EMILIN2: variants seen among roughly 807,000 people sequenced by gnomAD.
EMILIN2 encodes elastin microfibril interfacer 2.
Under a neutral mutation model 87.1 loss-of-function variants are expected in EMILIN2, and 71 were observed. The observed-to-expected ratio is 0.82, with a 90% CI of 0.67 to 0.99. EMILIN2 has a LOEUF of 0.99. Among genes scored for constraint, EMILIN2 ranks in the 50% least tolerant of loss-of-function variants. The pLI, the probability that EMILIN2 is intolerant of heterozygous loss-of-function variation, is 0.00. For missense variants in EMILIN2, 1,407 were observed against 1,371.8 expected (o/e 1.03, Z -0.40); for synonymous variants, 581 against 563.4 (o/e 1.03, Z -0.44).
chr18:2,846,853 C>G (rs1174188787), upstream of EMILIN2: 7 of 985,160 alleles, frequency 7.1e-6, no homozygotes, highest in Admixed American at 6.1e-5. This position sits in a 1 kb window ranked among gnomAD's most constrained non-coding sequence, Gnocchi z 5.3. Flanking sequence ...CCACCCCGAG[C>G]CCCCTGCCGA....
intron 3 of EMILIN2, among the ~76,000 whole-genome samples, chr18:2,889,805 G>C (rs1001469759): frequency 6.7e-6 from 1 of 149,708 alleles, no homozygotes; most frequent in Non-Finnish European, 1.5e-5. Flanking sequence ...TGAGACTACA[G>C]GCACACACCA....
At chr18:2,870,588 C>G (rs2076714512) in intron 2 of EMILIN2, among the ~76,000 whole-genome samples, 1 of 152,194 alleles carries the variant, frequency 6.6e-6, no homozygotes, top group African/African-American at 2.4e-5. Context: ...ACACAACGTG[C>G]TGGGGTGTTC....
chr18:2,896,431 C>A (rs1046435182), intron 4 of EMILIN2, among the ~76,000 whole-genome samples: 1 of 152,028 alleles, frequency 6.6e-6, no homozygotes, highest in Non-Finnish European at 1.5e-5. Flanking sequence ...CCATCTCAGC[C>A]TCCCAAAGTG....
intron 2 of EMILIN2, among the ~76,000 whole-genome samples, chr18:2,850,187 G>T (rs1006875491): frequency 6.7e-6 from 1 of 148,338 alleles, no homozygotes; most frequent in East Asian, 2.0e-4. Context: ...CAATCCGCCC[G>T]CCTCAGCCTG....
chr18:2,866,774 C>T (rs1345926650), intron 2 of EMILIN2, among the ~76,000 whole-genome samples: 1 of 152,102 alleles, frequency 6.6e-6, no homozygotes, highest in Non-Finnish European at 1.5e-5. Context: ...TGTCTTATTC[C>T]AGTTCTCAGA....
chr18:2,869,958 T>C (rs1214346974), intron 2 of EMILIN2, among the ~76,000 whole-genome samples: 1 of 152,082 alleles, frequency 6.6e-6, no homozygotes, highest in South Asian at 2.1e-4. Context: ...TAGATAATAA[T>C]GGACTAGGCA....
rs2076582809 is a variant in EMILIN2, at chr18:2,847,779, G to A, written c.135-30G>A. On this transcript the variant is annotated intron_variant, in intron 1 of 7. Transcript: ENST00000254528. The surrounding 1 kb of genome is among the most constrained non-coding windows in gnomAD (Gnocchi z 4.5). ...TCATTGTTCTCCGGGTTTACCCCGTGCCCCTCTCCCTCTCTCTCCTGCACC... is the reference window on the plus strand; with the variant it reads ...TCATTGTTCTCCGGGTTTACCCCGTACCCCTCTCCCTCTCTCTCCTGCACC... 1.2e-6 allele frequency: 2 copies of A among 1,609,594 alleles called. No individual in the cohort carries two copies. Among genetic ancestry groups the A allele is most frequent in the Middle Eastern group, 1.7e-4 (1 of 6,022 alleles).
At chr18:2,892,600 G>A in intron 4 of EMILIN2, 114 bp downstream of exon 4, 1 of 1,391,196 alleles carries the variant, frequency 7.2e-7, no homozygotes. Flanking sequence ...AGGTAAAAAT[G>A]TGACAGTATT....
In EMILIN2 at chr18:2,877,510, G is replaced by A. The variant is rs576146003; in HGVS notation, c.258-7454G>A. Among the ~76,000 whole-genome samples, 11 of 150,176 alleles carry A rather than the reference G, an allele frequency of 7.3e-5. No individual in the cohort carries two copies. The South Asian group carries it at 1.0e-3, about 14-fold the overall frequency. The stretch of plus-strand genomic sequence containing the variant: ...TAGAAAATCAGTCTACTGGCTGGGC[G>A]CGGTGGCCTGTTATCCCAACACTTT... On this transcript the variant is annotated intron_variant, in intron 2 of 7. Transcript: ENST00000254528.
intron 2 of EMILIN2, among the ~76,000 whole-genome samples, chr18:2,858,734 C>T (rs2076645406): frequency 6.6e-6 from 1 of 151,006 alleles, no homozygotes; most frequent in Non-Finnish European, 1.5e-5. Context: ...CTCCTGAGTT[C>T]AAATGATTGT....
intron 2 of EMILIN2, among the ~76,000 whole-genome samples, chr18:2,877,185 T>C (rs983082515): frequency 6.6e-6 from 1 of 152,218 alleles, no homozygotes; most frequent in Non-Finnish European, 1.5e-5. Context: ...GCTTTATAGA[T>C]GCACATGGTT....
At position 2,914,744 on chromosome 18, in the gene EMILIN2, G is replaced by C. The variant is rs910936325; in HGVS notation, c.*1340G>C. On this transcript the variant is annotated 3_prime_UTR_variant, in exon 8 of 8. Coordinates refer to ENST00000254528, the MANE Select transcript of EMILIN2 (RefSeq NM_032048.3). Reference sequence around the variant, plus strand: ...AATGCTTTAAGAATTGTTTGCAAATGAATTTACAGGGTGGCCACTGGACAC... The same window carrying C: ...AATGCTTTAAGAATTGTTTGCAAATCAATTTACAGGGTGGCCACTGGACAC... The C allele has an allele frequency of 2.7e-5, 4 of 148,592 alleles. No homozygotes were observed. Among genetic ancestry groups the C allele is most frequent in the Non-Finnish European group, 4.5e-5 (3 of 67,292 alleles). The allele number at this position is 148,592 out of a possible 1,614,324, so 9.2% of individuals were successfully genotyped here.
chr18:2,905,675 T>C (rs2076907182), intron 4 of EMILIN2, among the ~76,000 whole-genome samples: 1 of 151,798 alleles, frequency 6.6e-6, no homozygotes, highest in African/African-American at 2.4e-5. Flanking sequence ...CGATCTCGGC[T>C]CCCTGCAACC....
At chr18:2,876,216 C>T (rs904631717) in intron 2 of EMILIN2, among the ~76,000 whole-genome samples, 1 of 151,586 alleles carries the variant, frequency 6.6e-6, no homozygotes, top group Non-Finnish European at 1.5e-5. Context: ...CTCTTGACCT[C>T]GTGATCCACC....
chr18:2,877,651 A>G (rs1422579922), intron 2 of EMILIN2, among the ~76,000 whole-genome samples: 1 of 151,696 alleles, frequency 6.6e-6, no homozygotes, highest in Non-Finnish European at 1.5e-5. Context: ...GGTGGCCTGC[A>G]CCTGTAATCC....
intron 4 of EMILIN2, among the ~76,000 whole-genome samples, chr18:2,898,112 G>C (rs144749965): frequency 7.2e-4 from 109 of 152,280 alleles, no homozygotes; most frequent in African/African-American, 2.5e-3. Context: ...CTCTCAGCAG[G>C]CATCCTCTTT....
chr18:2,898,079 G>A (rs1280897205), intron 4 of EMILIN2, among the ~76,000 whole-genome samples: 1 of 152,146 alleles, frequency 6.6e-6, no homozygotes, highest in African/African-American at 2.4e-5. Context: ...TCACAGGTGC[G>A]GGGAGCATCA....
intron 3 of EMILIN2, among the ~76,000 whole-genome samples, chr18:2,888,950 GAATT>G (rs1014056395): frequency 6.6e-6 from 1 of 151,924 alleles, no homozygotes; most frequent in African/African-American, 2.4e-5. Context: ...ACAACATTCT[GAATT>G]AATTTCCAAT....
rs759033708 is a variant in EMILIN2, at chr18:2,913,171, G to A, written c.2929G>A (p.Val977Met). ...EAVLSVSNAS[V>M]AQLHTAGYRR... ...AGTGCTGTCGGTCTCCAACGCCAGC[G>A]TGGCCCAGCTGCATACCGCTGGGTA... The change falls in exon 8 of 8, where the codon GTG becomes ATG. Residue 977 changes from valine (V) to methionine (M), a missense_variant. By Grantham distance (21) the Val-to-Met change is conservative. Transcript: ENST00000254528. 3.1e-5 allele frequency: 50 copies of A among 1,613,824 alleles called. No homozygotes were observed. Among genetic ancestry groups the A allele is most frequent in the East Asian group, 4.5e-5 (2 of 44,834 alleles).
Sources: allele counts gnomAD v4.1 joint callset (sites outside exome capture counted in the v4.1 genomes callset), GRCh38; gene constraint gnomAD v4.1.1; non-coding constraint Gnocchi (gnomAD v3.1); transcripts MANE v1.5; gene names NCBI Gene and HGNC (gene_info 2026-07-23, HGNC 2026-07-21).